ESX1: variants seen among roughly 807,000 people sequenced by gnomAD.
ESX1 encodes homeobox protein ESX1.
In ESX1, 2 loss-of-function variants were observed where a neutral mutation model predicts 13.2. The observed-to-expected ratio is 0.15, with a 90% CI of 0.06 to 0.48. The LOEUF is 0.48. Ranked by LOEUF, ESX1 falls within the 20% of genes least tolerant of loss-of-function variation. The pLI is 0.97. For missense variants in ESX1, 307 were observed against 379.0 expected, an observed-to-expected ratio of 0.81 and a Z score of 1.58; for synonymous variants, 157 against 163.1, an observed-to-expected ratio of 0.96 and a Z score of 0.29.
intron 3 of ESX1, among the ~76,000 whole-genome samples, chrX:104,251,484 T>C (rs1923183205): frequency 8.9e-6 from 1 of 112,263 alleles, no homozygotes; most frequent in South Asian, 3.7e-4. Flanking sequence ...TGGTCTACTT[T>C]GTTGGGCTGC....
chrX:104,250,135 A>C lies in ESX1; in HGVS notation c.*93T>G, dbSNP rs1556393548. On this transcript the variant is annotated 3_prime_UTR_variant, in exon 4 of 4. Transcript: ENST00000372588. Reference sequence around the variant, plus strand: ...CTTTGTTCACCTACCCACTTCATTTAACAAGCATCTAACGAATTACTTGAT... The same window carrying C: ...CTTTGTTCACCTACCCACTTCATTTCACAAGCATCTAACGAATTACTTGAT... The C allele has an allele frequency of 2.6e-5, 26 of 1,004,012 alleles. No homozygotes were observed. The highest frequency in any genetic ancestry group is 3.2e-5 in the Non-Finnish European group (24 of 757,041). The allele number at this position is 1,004,012 out of a possible 1,213,427, so 82.7% of individuals were successfully genotyped here. A position where few individuals can be genotyped will look rare whatever the true frequency, so the allele number is the denominator to read the frequency against.
Position 104,254,301 on chromosome X carries a change from C to A in ESX1, c.359G>T (p.Gly120Val), listed in dbSNP as rs1556395243. The A allele has an allele frequency of 8.3e-6, 10 of 1,211,781 alleles. No homozygotes were observed. The highest frequency in any genetic ancestry group is 1.1e-5 in the Non-Finnish European group (10 of 895,484). Reference protein sequence around the residue: ...QEEPPQTTVEGPQPAEGPQTA... With the variant: ...QEEPPQTTVEVPQPAEGPQTA... ...TTGTGGCCCCTCCGCCGGCTGTGGCCCCTCCACGGTCGTCTGGGGCGGCTC... is the reference window on the plus strand; with the variant it reads ...TTGTGGCCCCTCCGCCGGCTGTGGCACCTCCACGGTCGTCTGGGGCGGCTC... Residue 120 changes from glycine to valine, a missense_variant, in exon 2 of 4, where the codon GGG becomes GTG. By Grantham distance (109) the Gly-to-Val change is moderately radical (BLOSUM62 -3). Coordinates refer to ENST00000372588, the MANE Select transcript of ESX1 (RefSeq NM_153448.4).
At chrX:104,251,422 G>A (rs782812408) in intron 3 of ESX1, among the ~76,000 whole-genome samples, 23 of 111,342 alleles carry the variant, frequency 2.1e-4, no homozygotes, top group East Asian at 8.5e-4. Flanking sequence ...CAGAGGATAC[G>A]TCATCCCAAC....
Position 104,254,831 on chromosome X carries a change from A to G in ESX1, c.19T>C (p.Tyr7His). 8.3e-7 allele frequency: 1 copy of G among 1,208,513 alleles called. No homozygotes were observed. Among genetic ancestry groups the G allele is most frequent in the Non-Finnish European group, 1.1e-6 (1 of 892,754 alleles). MESLRG[Y>H]THSDIGYRSL... The stretch of plus-strand genomic sequence containing the variant: ...CGGTAGCCAATATCACTGTGGGTGT[A>G]CCCGCGAAGAGACTCCATGCTTCAA... The change falls in exon 1 of 4, where the codon TAC becomes CAC. Residue 7 changes from tyrosine (Y) to histidine (H), a missense_variant. Tyr to His is a moderately conservative substitution (Grantham distance 83). Transcript: ENST00000372588.
chrX:104,253,751 C>G (rs1923245843), intron 2 of ESX1, among the ~76,000 whole-genome samples: 1 of 111,582 alleles, frequency 9.0e-6, no homozygotes, highest in African/African-American at 3.3e-5. Context: ...ACCGAAAGCT[C>G]AAAAGTCCGC....
rs1300624373 is a variant in ESX1 at position 104,254,749 on chromosome X, T to C, written c.82+19A>G. On this transcript the variant is annotated intron_variant, in intron 1 of 3. Transcript: ENST00000372588. Reference sequence around the variant, plus strand: ...CTTTTGGAGTTCGCGAAAGCTCCCGTCCCTGTCCAAGCACTAACCATTCAC... The same window carrying C: ...CTTTTGGAGTTCGCGAAAGCTCCCGCCCCTGTCCAAGCACTAACCATTCAC... 1.3e-5 allele frequency: 15 copies of C among 1,196,927 alleles called. No individual in the cohort carries two copies. Among genetic ancestry groups the C allele is most frequent in the Non-Finnish European group, 9.1e-6 (8 of 883,320 alleles).
rs1556395491 is a variant in ESX1 at position 104,254,551 on chromosome X, T to G, written c.109A>C (p.Met37Leu). 8.3e-7 allele frequency: 1 copy of G among 1,209,089 alleles called. No homozygotes were observed. The highest frequency in any genetic ancestry group is 2.2e-5 in the Admixed American group (1 of 45,978). Residue 37 changes from methionine (M) to leucine (L), a missense_variant, in exon 2 of 4, where the codon ATG becomes CTG. This residue lies in a region of ESX1 where 152 missense variants were observed against 114.5 expected (regional missense o/e 1.33). Coordinates refer to ENST00000372588, the MANE Select transcript of ESX1 (RefSeq NM_153448.4). ...TCCTCGTCCTCTCCTCCCCTTGCCATCAGCGAGGTCACGGTAAGTTTCTCA... is the reference window on the plus strand; with the variant it reads ...TCCTCGTCCTCTCCTCCCCTTGCCAGCAGCGAGGTCACGGTAAGTTTCTCA... ...NDEKLTVTSLMARGGEDEENT... is the reference protein window; with the variant it reads ...NDEKLTVTSLLARGGEDEENT...
chrX:104,254,488 C>T lies in ESX1; in HGVS notation c.172G>A (p.Glu58Lys). ...RSKPEYGTEAENNVGTEGSVP... is the reference protein window; with the variant it reads ...RSKPEYGTEAKNNVGTEGSVP... ...GACCCTTCCGTGCCAACGTTGTTTT[C>T]CGCTTCTGTTCCGTACTCAGGTTTG... Residue 58 changes from glutamate to lysine, a missense_variant, in exon 2 of 4, where the codon GAA (glutamate) becomes AAA (lysine). Around this residue, in one of 3 missense-constraint regions of ESX1, gnomAD observed 152 missense variants for 114.5 expected, o/e 1.33. Coordinates refer to ENST00000372588, the MANE Select transcript of ESX1 (RefSeq NM_153448.4). 3.3e-6 allele frequency: 4 copies of T among 1,212,199 alleles called. No homozygotes were observed. The highest frequency in any genetic ancestry group is 1.8e-5 in the South Asian group (1 of 57,026).
rs782465017 is a variant in ESX1, at chrX:104,254,271, G to C, written c.389C>G (p.Ala130Gly). 4 of 1,212,099 alleles carry C rather than the reference G, an allele frequency of 3.3e-6. No individual in the cohort carries two copies. The highest frequency in any genetic ancestry group is 4.5e-6 in the Non-Finnish European group (4 of 895,560). The change falls in exon 2 of 4, where the codon GCT (alanine) becomes GGT (glycine). Residue 130 changes from alanine (A) to glycine (G), a missense_variant. By Grantham distance (60) the Ala-to-Gly change is moderately conservative (BLOSUM62 0). This residue lies in a region of ESX1 where 152 missense variants were observed against 114.5 expected (regional missense o/e 1.33). Transcript: ENST00000372588. ...GPQPAEGPQT[A>G]EGPQPPERKR... is the part of the protein sequence containing the mutation. Reference sequence around the variant, plus strand: ...CCTCTCTGGGGGCTGTGGTCCCTCAGCGGTTTGTGGCCCCTCCGCCGGCTG... The same window carrying C: ...CCTCTCTGGGGGCTGTGGTCCCTCACCGGTTTGTGGCCCCTCCGCCGGCTG...
At chrX:104,253,396 T>C (rs1923233856) in intron 2 of ESX1, among the ~76,000 whole-genome samples, 1 of 101,452 alleles carries the variant, frequency 9.9e-6, no homozygotes, top group Non-Finnish European at 2.0e-5. Flanking sequence ...GGGAAGTCCG[T>C]CCGTGAAAAA....
In ESX1 at chrX:104,254,787, C is replaced by T. The variant is rs782678198; in HGVS notation, c.63G>A (p.Glu21=). Residue 21 remains glutamate, a synonymous_variant, in exon 1 of 4, where the codon GAG becomes GAA. Coordinates refer to ENST00000372588, the MANE Select transcript of ESX1 (RefSeq NM_153448.4). ...ACTAACCATTCACTTCCTCGATGTC[C>T]TCGCCGACTGCCAGGCTGCGGTAGC... The part of the protein sequence containing the change: ...DIGYRSLAVG[E]DIEEVNDEKL... 1 of 1,210,834 alleles carries T rather than the reference C, an allele frequency of 8.3e-7. No homozygotes were observed. Among genetic ancestry groups the T allele is most frequent in the South Asian group, 1.8e-5 (1 of 56,993 alleles).
Position 104,250,901 on chromosome X carries a change from A to G in ESX1, c.553-5T>C, listed in dbSNP as rs781943362. ...TCTTCTGTTCTGAAACCAAACCTTC[A>G]GAGGGGAAAAATGAATTGGTTTAGT... On this transcript the variant is annotated splice_polypyrimidine_tract_variant and splice_region_variant and intron_variant, in intron 3 of 3. Transcript: ENST00000372588. 6.5e-5 allele frequency: 77 copies of G among 1,185,146 alleles called. No individual in the cohort carries two copies. In the Admixed American group the frequency reaches 1.5e-3, roughly 24 times the overall value.
Position 104,254,834 on chromosome X carries a change from C to G in ESX1, c.16G>C (p.Gly6Arg). The change falls in exon 1 of 4, where the codon GGG becomes CGG. Residue 6 changes from glycine (G) to arginine (R), a missense_variant. Coordinates refer to ENST00000372588, the MANE Select transcript of ESX1 (RefSeq NM_153448.4). The part of the protein sequence containing the change: MESLR[G>R]YTHSDIGYRS... ...TAGCCAATATCACTGTGGGTGTACC[C>G]GCGAAGAGACTCCATGCTTCAAGCG... 1 of 1,207,667 alleles carries G rather than the reference C, an allele frequency of 8.3e-7. No homozygotes were observed. Among genetic ancestry groups the G allele is most frequent in the East Asian group, 3.0e-5 (1 of 33,803 alleles).
At chrX:104,251,296 T>G (rs782100070) in intron 3 of ESX1, among the ~76,000 whole-genome samples, 8 of 112,569 alleles carry the variant, frequency 7.1e-5, no homozygotes, top group African/African-American at 9.7e-5. Flanking sequence ...TTTCTGGCTC[T>G]TTCTTCCTTC....
intron 1 of ESX1, 74 bp downstream of exon 1, chrX:104,254,694 T>G: frequency 3.5e-6 from 4 of 1,142,195 alleles, no homozygotes; most frequent in Non-Finnish European, 4.8e-6. Flanking sequence ...CAGCGTCTCC[T>G]CCGCTTGCCT....
rs782746751 is a variant in ESX1 at position 104,254,417 on chromosome X, C to T, written c.243G>A (p.Glu81=). ...DQDREGGGGH[E]PEQQQEEPPL... ...GCGGCTCCTCCTGCTGTTGCTCCGG[C>T]TCGTGGCCGCCGCCACCCTCACGGT... is the stretch of plus-strand genomic sequence containing the variant. Residue 81 remains glutamate (E), a synonymous_variant, in exon 2 of 4, where the codon GAG becomes GAA. Coordinates refer to ENST00000372588, the MANE Select transcript of ESX1 (RefSeq NM_153448.4). 5.8e-6 allele frequency: 7 copies of T among 1,210,307 alleles called. No individual in the cohort carries two copies. The East Asian group carries it at 2.1e-4, about 36-fold the overall frequency.
chrX:104,251,037 T>C (rs1556394223), intron 3 of ESX1, 141 bp from the exon 4 acceptor site: 2 of 570,343 alleles, frequency 3.5e-6, no homozygotes, highest in South Asian at 3.6e-5. Flanking sequence ...TGAAATATCT[T>C]AGAGGAGTGA....
chrX:104,252,050 T>C (rs1016856294), intron 3 of ESX1, among the ~76,000 whole-genome samples: 2 of 111,868 alleles, frequency 1.8e-5, no homozygotes, highest in Non-Finnish European at 3.8e-5. Context: ...TTACAAATGT[T>C]TTCCCCATTA....
chrX:104,250,813 G>C lies in ESX1; in HGVS notation c.636C>G (p.Ala212=). 8.3e-7 allele frequency: 1 copy of C among 1,211,453 alleles called. No individual in the cohort carries two copies. Among genetic ancestry groups the C allele is most frequent in the Non-Finnish European group, 1.1e-6 (1 of 895,292 alleles). The part of the protein sequence containing the change: ...MLRNTATADL[A]HPLDMFLGGA... The stretch of plus-strand genomic sequence containing the variant: ...CACCCAAGAACATGTCCAAAGGGTG[G>C]GCCAGGTCAGCAGTAGCAGTGTTTC... The change falls in exon 4 of 4, where the codon GCC becomes GCG. Residue 212 remains alanine (A), a synonymous_variant. Transcript: ENST00000372588.
Sources: gnomAD v4.1 joint callset for allele counts (sites outside exome capture counted in the v4.1 genomes callset) on GRCh38, gnomAD v4.1.1 for gene constraint, gnomAD v4.1.1 regional missense constraint, MANE v1.5 for transcripts, NCBI Gene and HGNC (gene_info 2026-07-23, HGNC 2026-07-21) for gene names.